The following NBAS variants were observed in gnomAD, a reference collection of about 807,000 sequenced individuals.
The protein encoded by NBAS is NBAS subunit of NRZ tethering complex.
Under a neutral mutation model 302.5 loss-of-function variants are expected in NBAS, and 219 were observed. That is an observed-to-expected ratio of 0.72 (90% CI 0.65 to 0.81). NBAS has a LOEUF of 0.81. NBAS is among the 30% of genes least tolerant of loss of function. The probability of loss-of-function intolerance (pLI) is 0.00; values close to 1 mark genes in which losing one functional copy is unlikely to be tolerated. For synonymous variants in NBAS, 1,118 were observed against 1,021.6 expected, an observed-to-expected ratio of 1.09 and a Z score of -1.80; for missense variants, 2,932 against 2,841.6, an observed-to-expected ratio of 1.03 and a Z score of -0.72.
intron 7 of NBAS, 44 bp from the exon 8 acceptor site, chr2:15,536,595 AG>A: frequency 3.4e-6 from 5 of 1,483,050 alleles, no homozygotes; most frequent in Non-Finnish European, 4.6e-6. Flanking sequence ...AAAAAAAACT[AG>A]ATAAAAGTTA....
chr2:15,180,355 G>A (rs1197387931), intron 50 of NBAS: 2 of 152,236 alleles, frequency 1.3e-5, no homozygotes, highest in African/African-American at 4.8e-5. Context: ...GTAGCAGTTT[G>A]TAAAACACAT....
At chr2:15,203,883 T>TGTGC (rs1558434381) in intron 48 of NBAS, among the ~76,000 whole-genome samples, 2 of 124,572 alleles carry the variant, frequency 1.6e-5, no homozygotes, top group South Asian at 2.5e-4. Context: ...TGTGTGTGTG[T>TGTGC]GTGTGCTTGT....
chr2:15,447,562 G>A (rs758297336), intron 21 of NBAS, among the ~76,000 whole-genome samples: 4 of 152,124 alleles, frequency 2.6e-5, no homozygotes, highest in Non-Finnish European at 4.4e-5. Context: ...TCTTAATCAT[G>A]TTCACTTGGT....
intron 13 of NBAS, 152 bp downstream of exon 13, chr2:15,478,074 G>C (rs1156257518): frequency 1.0e-5 from 3 of 292,808 alleles, no homozygotes; most frequent in South Asian, 3.5e-5. Context: ...CAGAAAACTG[G>C]ATCTGTTGCC....
intron 44 of NBAS, among the ~76,000 whole-genome samples, chr2:15,243,660 T>G (rs1667961379): frequency 6.6e-6 from 1 of 152,076 alleles, no homozygotes. Flanking sequence ...CTGTGGTAAC[T>G]TGGGGGGCAG....
the NBAS span, among the ~76,000 whole-genome samples, chr2:14,815,287 A>G: frequency 6.6e-6 from 1 of 152,210 alleles, no homozygotes; most frequent in African/African-American, 2.4e-5. Flanking sequence ...TCAAAATACT[A>G]GTGTGAAAAC....
intron 35 of NBAS, among the ~76,000 whole-genome samples, chr2:15,333,327 A>T (rs2148242493): frequency 6.6e-6 from 1 of 152,314 alleles, no homozygotes; most frequent in South Asian, 2.1e-4. Context: ...AGAAAGAGAA[A>T]TAGCAGGACA....
the NBAS span, among the ~76,000 whole-genome samples, chr2:14,981,043 TA>T: frequency 6.7e-6 from 1 of 148,390 alleles, no homozygotes; most frequent in Non-Finnish European, 1.5e-5. Context: ...ATAACTCCTG[TA>T]AAAAAGAAAA....
chr2:14,794,416 G>C, the NBAS span, among the ~76,000 whole-genome samples: 9 of 152,166 alleles, frequency 5.9e-5, no homozygotes, highest in East Asian at 1.7e-3. Context: ...CAGTGCAATA[G>C]TATATTATTT....
the NBAS span, among the ~76,000 whole-genome samples, chr2:14,899,450 T>C: frequency 6.6e-6 from 1 of 152,154 alleles, no homozygotes; most frequent in Admixed American, 6.5e-5. Context: ...TGAAGAAGGG[T>C]TAAATTTGTG....
Position 15,488,664 on chromosome 2 carries a change from G to A in NBAS, c.1083+230C>T, listed in dbSNP as rs1034715172. ...GAAGAGTTTAACAAACTCTTTTACA[G>A]ATTACACTCTGTATACAGAGTGTAC... On this transcript the variant is annotated intron_variant, in intron 12 of 51. Transcript: ENST00000281513. Among the ~76,000 whole-genome samples the A allele has an allele frequency of 2.0e-5, 3 of 152,022 alleles. No homozygotes were observed. In the East Asian group the frequency reaches 5.8e-4, roughly 29 times the overall value.
the NBAS span, among the ~76,000 whole-genome samples, chr2:15,161,784 C>T: frequency 2.6e-5 from 4 of 152,248 alleles, no homozygotes; most frequent in South Asian, 8.3e-4. Context: ...TGCTGTCCTC[C>T]CAGAAAGTCA....
the NBAS span, among the ~76,000 whole-genome samples, chr2:14,969,563 G>T: frequency 6.6e-6 from 1 of 152,070 alleles, no homozygotes; most frequent in African/African-American, 2.4e-5. Flanking sequence ...TTTTAGTAGA[G>T]ACGGGGTTTC....
Position 15,475,741 on chromosome 2 carries a change from A to G in NBAS, c.1287T>C (p.Phe429=). ...TAGCAGTGACTTGAGGTGATGGTTC[A>G]AACCATTCACAGGATTTTCCCAGTA... ...KNLLGKSCEW[F]EPSPQVTATH... The change falls in exon 14 of 52, where the codon TTT becomes TTC. Residue 429 remains phenylalanine, a synonymous_variant. Coordinates refer to ENST00000281513, the MANE Select transcript of NBAS (RefSeq NM_015909.4). 1 of 1,614,170 alleles carries G rather than the reference A, an allele frequency of 6.2e-7. No individual in the cohort carries two copies. Among genetic ancestry groups the G allele is most frequent in the Non-Finnish European group, 8.5e-7 (1 of 1,180,002 alleles).
chr2:14,903,925 AGAG>A, the NBAS span, among the ~76,000 whole-genome samples: 2 of 152,176 alleles, frequency 1.3e-5, no homozygotes, highest in East Asian at 1.9e-4. Flanking sequence ...GGCAATGGAA[AGAG>A]GAGACCCAGG....
At chr2:15,072,727 C>G in the NBAS span, among the ~76,000 whole-genome samples, 10 of 152,120 alleles carry the variant, frequency 6.6e-5, no homozygotes, top group Admixed American at 5.2e-4. Context: ...AGTGACATTC[C>G]TCATCTGCGA....
chr2:15,500,784 C>T lies in NBAS; in HGVS notation c.954+3361G>A, dbSNP rs570446541. The stretch of plus-strand genomic sequence containing the variant: ...AAAAAAATACAAAAAATCAGCCGGG[C>T]GTGGGGGCGGGTACCTGTAGTCCCA... On this transcript the variant is annotated intron_variant, in intron 11 of 51. Coordinates refer to ENST00000281513, the MANE Select transcript of NBAS (RefSeq NM_015909.4). 6.6e-5 allele frequency among the ~76,000 whole-genome samples: 10 copies of T among 151,194 alleles called. 1 individual carries two copies. In the East Asian group the frequency reaches 1.8e-3, roughly 27 times the overall value.
At chr2:15,010,227 T>G in the NBAS span, among the ~76,000 whole-genome samples, 121 of 151,960 alleles carry the variant, frequency 8.0e-4, no homozygotes, top group Admixed American at 2.4e-3. Flanking sequence ...CAGCAAGGAA[T>G]TATAAACCCA....
the NBAS span, among the ~76,000 whole-genome samples, chr2:15,112,371 AAATT>A: frequency 6.6e-6 from 1 of 152,144 alleles, no homozygotes; most frequent in Non-Finnish European, 1.5e-5. Context: ...GATTGTGAAA[AAATT>A]AATAAAAGGA....
Sources: gnomAD v4.1 joint callset for allele counts (sites outside exome capture counted in the v4.1 genomes callset) on GRCh38, gnomAD v4.1.1 for gene constraint, MANE v1.5 for transcripts, NCBI Gene and HGNC (gene_info 2026-07-23, HGNC 2026-07-21) for gene names.